TMEM272: variants seen among roughly 807,000 people sequenced by gnomAD.
TMEM272 encodes transmembrane protein 272.
A neutral mutation model predicts 3.7 loss-of-function variants in TMEM272; 8 were observed. That is an observed-to-expected ratio of 2.17 (90% CI 1.27 to 3.91). The LOEUF is 3.91. Among genes scored for constraint, TMEM272 ranks in the 30% most tolerant of loss-of-function variants. The pLI is 0.00. For synonymous variants in TMEM272, 63 were observed against 39.8 expected (o/e 1.58, Z -2.20); for missense variants, 166 against 91.5 (o/e 1.81, Z -3.32).
the TMEM272 span, among the ~76,000 whole-genome samples, chr13:51,917,656 A>G: frequency 2.6e-5 from 4 of 152,180 alleles, no homozygotes; most frequent in African/African-American, 2.4e-5. Context: ...GCTAAAAGCA[A>G]TTCTGCTAAT....
At chr13:51,886,090 C>T in the TMEM272 span, among the ~76,000 whole-genome samples, 1 of 151,946 alleles carries the variant, frequency 6.6e-6, no homozygotes, top group African/African-American at 2.4e-5. Context: ...TCCATCACAC[C>T]CATCATTCTC....
At chr13:51,871,785 TACACACACACACACACACACACACAC>T in the TMEM272 span, among the ~76,000 whole-genome samples, 35 of 129,680 alleles carry the variant, frequency 2.7e-4, no homozygotes, top group Middle Eastern at 3.9e-3. Context: ...AATCTCCCCC[TACACACACACACACACACACACACAC>T]ACACACACAC....
chr13:51,879,353 A>G, the TMEM272 span, among the ~76,000 whole-genome samples: 1 of 7,696 alleles, frequency 1.3e-4, no homozygotes, highest in Non-Finnish European at 2.0e-4. Context: ...ATGTTAGCTC[A>G]TGTTCCTTTT....
the TMEM272 span, chr13:51,908,335 T>C: frequency 1.4e-6 from 2 of 1,431,234 alleles, no homozygotes; most frequent in South Asian, 2.3e-5. Context: ...AATCCAGGTC[T>C]TGGGGGAAGG....
At chr13:51,833,364 A>C (rs941910931) in intron 2 of TMEM272, among the ~76,000 whole-genome samples, 3 of 152,172 alleles carry the variant, frequency 2.0e-5, no homozygotes, top group South Asian at 2.1e-4. Flanking sequence ...GCTATCAAAT[A>C]ATCATCAATA....
chr13:51,865,481 A>C, the TMEM272 span: 1 of 1,614,240 alleles, frequency 6.2e-7, no homozygotes, highest in Non-Finnish European at 8.5e-7. Context: ...ATCCTCTCCC[A>C]GTATTCGCCA....
the TMEM272 span, among the ~76,000 whole-genome samples, chr13:51,866,896 G>A: frequency 9.9e-4 from 150 of 152,224 alleles, 1 homozygote; most frequent in African/African-American, 3.5e-3. Context: ...TTTTTGGGGG[G>A]CTTCCTGCTT....
chr13:51,909,756 C>T, the TMEM272 span: 12 of 1,561,930 alleles, frequency 7.7e-6, no homozygotes, highest in African/African-American at 1.1e-4. Context: ...TTCCAAGTTA[C>T]CATCATCCGT....
At chr13:51,899,675 G>A in the TMEM272 span, among the ~76,000 whole-genome samples, 1 of 152,076 alleles carries the variant, frequency 6.6e-6, no homozygotes, top group African/African-American at 2.4e-5. Context: ...AAAATGCAAG[G>A]GATCCAGAAT....
the TMEM272 span, among the ~76,000 whole-genome samples, chr13:51,920,553 C>A: frequency 6.6e-6 from 1 of 152,310 alleles, no homozygotes; most frequent in East Asian, 1.9e-4. Context: ...TGGGCCTGTT[C>A]TTCCTGCCTC....
the TMEM272 span, among the ~76,000 whole-genome samples, chr13:51,882,822 G>A: frequency 6.6e-6 from 1 of 152,104 alleles, no homozygotes; most frequent in African/African-American, 2.4e-5. Flanking sequence ...TGTGTTACAG[G>A]ATTCCTTGGA....
chr13:51,817,009 C>A lies in TMEM272; in HGVS notation c.306G>T (p.Ala102=). 1.4e-6 allele frequency: 1 copy of A among 703,006 alleles called. No homozygotes were observed. The highest frequency in any genetic ancestry group is 2.6e-6 in the Non-Finnish European group (1 of 385,006). The allele number at this position is 703,006 out of a possible 1,614,324, so 43.5% of individuals were successfully genotyped here. ...DDDEYPWRQN[A]HRYYIHLLLS... ...GCAGGAGGTGGATGTAGTATCTGTG[C>A]GCATTCTGCCTCCAGGGGTATTCGT... Residue 102 remains alanine, a synonymous_variant, in exon 5 of 5, where the codon GCG becomes GCT. Transcript: ENST00000629372.
At chr13:51,905,855 C>A in the TMEM272 span, among the ~76,000 whole-genome samples, 2 of 152,350 alleles carry the variant, frequency 1.3e-5, no homozygotes, top group East Asian at 3.9e-4. Context: ...AGCTGTGATG[C>A]CGCCTTCTCT....
the TMEM272 span, among the ~76,000 whole-genome samples, chr13:51,912,220 G>A: frequency 1.4e-4 from 22 of 152,048 alleles, no homozygotes; most frequent in Non-Finnish European, 2.8e-4. Flanking sequence ...TTCCAGTCCC[G>A]AGCACAGTGT....
At chr13:51,860,202 T>C in the TMEM272 span, among the ~76,000 whole-genome samples, 1 of 152,228 alleles carries the variant, frequency 6.6e-6, no homozygotes, top group Non-Finnish European at 1.5e-5. Flanking sequence ...ATGCCTGGCC[T>C]GAAACTGTTA....
the TMEM272 span, among the ~76,000 whole-genome samples, chr13:51,889,850 G>A: frequency 9.2e-5 from 14 of 152,162 alleles, no homozygotes; most frequent in African/African-American, 2.2e-4. Flanking sequence ...CATGTTGGTC[G>A]GGCTCATCTT....
chr13:51,905,405 C>G, the TMEM272 span, among the ~76,000 whole-genome samples: 1 of 152,194 alleles, frequency 6.6e-6, no homozygotes, highest in African/African-American at 2.4e-5. Flanking sequence ...CAGGGAGATG[C>G]CACTGTCTTC....
the TMEM272 span, among the ~76,000 whole-genome samples, chr13:51,895,901 CT>C: frequency 6.6e-6 from 1 of 152,122 alleles, no homozygotes; most frequent in South Asian, 2.1e-4. Flanking sequence ...TTGCCATGGT[CT>C]TTTTTCCCTT....
intron 4 of TMEM272, among the ~76,000 whole-genome samples, chr13:51,819,998 C>T (rs1956065965): frequency 6.6e-6 from 1 of 152,104 alleles, no homozygotes; most frequent in African/African-American, 2.4e-5. Flanking sequence ...TATTAGAGCC[C>T]CCTTGTACTC....
Sources: allele counts gnomAD v4.1 joint callset (sites outside exome capture counted in the v4.1 genomes callset), GRCh38; gene constraint gnomAD v4.1.1; transcripts MANE v1.5; gene names NCBI Gene and HGNC (gene_info 2026-07-23, HGNC 2026-07-21).